The following THSD4 variants were observed in gnomAD, a reference collection of about 807,000 sequenced individuals.
THSD4 encodes the protein thrombospondin type 1 domain containing 4.
Under a neutral mutation model 119.0 loss-of-function variants are expected in THSD4, and 69 were observed. That is an observed-to-expected ratio of 0.58 (90% CI 0.48 to 0.71). The LOEUF is 0.71. Among genes scored for constraint, THSD4 ranks in the 30% least tolerant of loss-of-function variants. THSD4 has a pLI of 0.00. For missense variants in THSD4, 1,393 were observed against 1,391.1 expected (o/e 1.00, Z -0.02); for synonymous variants, 524 against 540.4 (o/e 0.97, Z 0.42).
chr15:71,265,904 C>T (rs940630828), intron 6 of THSD4, among the ~76,000 whole-genome samples: 4 of 152,210 alleles, frequency 2.6e-5, no homozygotes, highest in Non-Finnish European at 1.5e-5. Flanking sequence ...GACTGCCTCT[C>T]TAGATTCCTC....
At chr15:71,281,171 T>C (rs563653105) in intron 6 of THSD4, among the ~76,000 whole-genome samples, 11 of 152,258 alleles carry the variant, frequency 7.2e-5, no homozygotes, top group Non-Finnish European at 1.5e-4. Context: ...AGAGTTGGGC[T>C]GAGGTATGAA....
At chr15:71,572,674 A>G (rs560260742) in intron 7 of THSD4, among the ~76,000 whole-genome samples, 1 of 152,132 alleles carries the variant, frequency 6.6e-6, no homozygotes, top group Non-Finnish European at 1.5e-5. Context: ...ATCAAATACT[A>G]AGTTGGTTCA....
chr15:71,720,992 G>T (rs953420819), intron 8 of THSD4, among the ~76,000 whole-genome samples: 1 of 152,220 alleles, frequency 6.6e-6, no homozygotes, highest in Non-Finnish European at 1.5e-5. Context: ...TCATAGTCAT[G>T]TGTCTCCTGT....
chr15:71,718,494 G>A (rs1023370076), intron 8 of THSD4, among the ~76,000 whole-genome samples: 23 of 152,102 alleles, frequency 1.5e-4, no homozygotes, highest in South Asian at 4.1e-4. Flanking sequence ...TGAACTTTGG[G>A]TATCACATGC....
chr15:71,237,505 C>G (rs928233339), intron 4 of THSD4, among the ~76,000 whole-genome samples: 1 of 152,134 alleles, frequency 6.6e-6, no homozygotes, highest in Non-Finnish European at 1.5e-5. Context: ...CGAAGTGACA[C>G]GTGGAGCTAT....
At chr15:71,384,512 T>C (rs531987444) in intron 6 of THSD4, among the ~76,000 whole-genome samples, 35 of 152,352 alleles carry the variant, frequency 2.3e-4, no homozygotes, top group Middle Eastern at 3.4e-3. Context: ...GCTTTTTGCC[T>C]TCTGGATGAG....
At chr15:71,542,609 G>A (rs1216359258) in intron 7 of THSD4, among the ~76,000 whole-genome samples, 1 of 152,182 alleles carries the variant, frequency 6.6e-6, no homozygotes, top group African/African-American at 2.4e-5. Flanking sequence ...CGGGCACAGT[G>A]TCTCACGCCT....
intron 4 of THSD4, among the ~76,000 whole-genome samples, chr15:71,234,577 G>A (rs77769625): frequency 0.01 from 1,534 of 152,214 alleles, 24 homozygotes; most frequent in African/African-American, 0.036. Flanking sequence ...AAGTCCTGGC[G>A]AGCCACCACA....
At chr15:71,489,014 G>T (rs1595818495) in intron 7 of THSD4, among the ~76,000 whole-genome samples, 2 of 152,006 alleles carry the variant, frequency 1.3e-5, no homozygotes, top group Admixed American at 6.6e-5. Flanking sequence ...TGTTCAGAGG[G>T]TCCCGCCAGT....
intron 5 of THSD4, among the ~76,000 whole-genome samples, chr15:71,248,516 G>C (rs1291297511): frequency 2.0e-5 from 3 of 152,178 alleles, no homozygotes; most frequent in African/African-American, 4.8e-5. Context: ...TGCTGCCAAA[G>C]GAGGCGTGAT....
intron 7 of THSD4, among the ~76,000 whole-genome samples, chr15:71,632,800 TAAG>T (rs1160965360): frequency 3.3e-5 from 5 of 152,216 alleles, no homozygotes; most frequent in Non-Finnish European, 5.9e-5. Context: ...TTTACATTAA[TAAG>T]AAGACTACAC....
chr15:71,261,322 G>A (rs921258629), intron 6 of THSD4, among the ~76,000 whole-genome samples: 2 of 152,110 alleles, frequency 1.3e-5, no homozygotes, highest in African/African-American at 4.8e-5. Context: ...GCAACTTCCA[G>A]AAACCAGGAA....
chr15:71,543,585 G>A (rs959782036), intron 7 of THSD4, among the ~76,000 whole-genome samples: 1 of 152,210 alleles, frequency 6.6e-6, no homozygotes, highest in African/African-American at 2.4e-5. Flanking sequence ...GGAGGAAACA[G>A]GAGGAAGAAC....
intron 6 of THSD4, among the ~76,000 whole-genome samples, chr15:71,355,087 C>T (rs1428610636): frequency 3.3e-5 from 5 of 152,290 alleles, no homozygotes; most frequent in East Asian, 3.9e-4. Context: ...TAATGCTGAC[C>T]GTGAGTCAAG....
chr15:71,765,695 G>A (rs1310886312), intron 16 of THSD4, among the ~76,000 whole-genome samples: 1 of 152,112 alleles, frequency 6.6e-6, no homozygotes. Flanking sequence ...TTGAGGCTAG[G>A]AGTTTGACAC....
At chr15:71,456,076 CAA>C (rs2047335369) in intron 7 of THSD4, among the ~76,000 whole-genome samples, 1 of 152,184 alleles carries the variant, frequency 6.6e-6, no homozygotes, top group African/African-American at 2.4e-5. Context: ...TTACGAATGG[CAA>C]AGTTATTTTG....
At chr15:71,372,645 G>A (rs144306996) in intron 6 of THSD4, among the ~76,000 whole-genome samples, 7 of 152,330 alleles carry the variant, frequency 4.6e-5, no homozygotes, top group Middle Eastern at 3.4e-3. Context: ...TGGAAGCTTC[G>A]TCTCAGAGGG....
intron 3 of THSD4, among the ~76,000 whole-genome samples, chr15:71,170,377 C>G (rs1596239211): frequency 1.3e-5 from 2 of 152,178 alleles, no homozygotes; most frequent in South Asian, 4.1e-4. Flanking sequence ...GCCCAGCATT[C>G]ATTCAGGACC....
At chr15:71,431,859 T>C (rs772081811) in intron 7 of THSD4, among the ~76,000 whole-genome samples, 1 of 152,188 alleles carries the variant, frequency 6.6e-6, no homozygotes, top group Non-Finnish European at 1.5e-5. Flanking sequence ...TCAAGGTTGC[T>C]TTGATCTAAA....
Sources: gnomAD v4.1 joint callset for allele counts (sites outside exome capture counted in the v4.1 genomes callset) on GRCh38, gnomAD v4.1.1 for gene constraint, MANE v1.5 for transcripts, NCBI Gene and HGNC (gene_info 2026-07-23, HGNC 2026-07-21) for gene names.